The following ETFA variants were observed in gnomAD, a reference collection of about 807,000 sequenced individuals.
ETFA encodes the protein electron transfer flavoprotein subunit alpha, also known as electron transfer flavoprotein subunit alpha, mitochondrial.
A neutral mutation model predicts 46.2 loss-of-function variants in ETFA; 22 were observed. That is an observed-to-expected ratio of 0.48 (90% CI 0.34 to 0.68). The LOEUF (loss-of-function observed/expected upper bound fraction) is 0.68, where lower values mean the gene tolerates loss of function less well. Ranked by LOEUF, ETFA falls within the 30% of genes least tolerant of loss-of-function variation. The pLI, the probability that ETFA is intolerant of heterozygous loss-of-function variation, is 0.01. For synonymous variants in ETFA, 131 were observed against 139.9 expected (o/e 0.94, Z 0.45); for missense variants, 345 against 401.1 (o/e 0.86, Z 1.19).
chr15:76,272,130 A>G (rs1407301576), intron 9 of ETFA, among the ~76,000 whole-genome samples: 1 of 151,448 alleles, frequency 6.6e-6, no homozygotes, highest in Non-Finnish European at 1.5e-5. Context: ...ACTCCCTGCC[A>G]CTCTGCTCTT....
At chr15:76,282,989 C>T (rs956953204) in intron 8 of ETFA, among the ~76,000 whole-genome samples, 2 of 151,966 alleles carry the variant, frequency 1.3e-5, no homozygotes, top group Non-Finnish European at 2.9e-5. Flanking sequence ...AACATCACTC[C>T]CTTCTCATCA....
At chr15:76,235,452 A>T (rs1418248243) in intron 9 of ETFA, among the ~76,000 whole-genome samples, 2 of 152,240 alleles carry the variant, frequency 1.3e-5, no homozygotes, top group Non-Finnish European at 2.9e-5. Context: ...TATAATTTGT[A>T]CAAAAGAGTT....
At chr15:76,219,062 AAAG>A (rs1385445235) in intron 11 of ETFA, among the ~76,000 whole-genome samples, 1 of 152,222 alleles carries the variant, frequency 6.6e-6, no homozygotes, top group African/African-American at 2.4e-5. Context: ...ACATCAAACT[AAAG>A]AAGAAAAGGA....
intron 1 of ETFA, among the ~76,000 whole-genome samples, chr15:76,304,839 G>C (rs1209325840): frequency 6.6e-6 from 1 of 151,914 alleles, no homozygotes; most frequent in Admixed American, 6.6e-5. Context: ...GGTCAGGAGA[G>C]CGAGACCATC....
chr15:76,301,598 T>C (rs980117984), intron 1 of ETFA, among the ~76,000 whole-genome samples: 2 of 152,140 alleles, frequency 1.3e-5, no homozygotes, highest in African/African-American at 2.4e-5. Flanking sequence ...TAGTCCCAGC[T>C]ACTCAGGAGG....
At chr15:76,263,654 A>G (rs2039441786) in intron 9 of ETFA, among the ~76,000 whole-genome samples, 1 of 152,154 alleles carries the variant, frequency 6.6e-6, no homozygotes, top group Admixed American at 6.5e-5. Flanking sequence ...ACGGGAAGAG[A>G]TTTTAAAAAG....
intron 9 of ETFA, among the ~76,000 whole-genome samples, chr15:76,235,125 A>G (rs2039110568): frequency 6.6e-6 from 1 of 152,172 alleles, no homozygotes; most frequent in Admixed American, 6.5e-5. Flanking sequence ...CTGCTCATCC[A>G]AAACACTGGA....
At chr15:76,260,907 C>T in intron 9 of ETFA, 3 of 1,611,830 alleles carry the variant, frequency 1.9e-6, no homozygotes, top group South Asian at 1.1e-5. Flanking sequence ...TTCCCAGCCT[C>T]CTGGGGCCTG....
chr15:76,266,519 G>A (rs2039472022), intron 9 of ETFA, among the ~76,000 whole-genome samples: 1 of 152,212 alleles, frequency 6.6e-6, no homozygotes, highest in Non-Finnish European at 1.5e-5. Context: ...AAATGCGGCA[G>A]GGTTAATTAT....
At chr15:76,249,435 A>ATCTTT (rs35513183) in intron 9 of ETFA, among the ~76,000 whole-genome samples, 3 of 74,802 alleles carry the variant, frequency 4.0e-5, no homozygotes, top group Admixed American at 1.5e-4. Context: ...GTCCATGGTA[A>ATCTTT]TTTTTTTTTT....
At position 76,287,891 on chromosome 15, in the gene ETFA, T is replaced by G; in HGVS notation, c.406A>C (p.Ile136Leu). 2 of 1,614,088 alleles carry G rather than the reference T, an allele frequency of 1.2e-6. No homozygotes were observed. The highest frequency in any genetic ancestry group is 1.7e-6 in the Non-Finnish European group (2 of 1,179,950). The change falls in exon 5 of 12, where the codon ATT (isoleucine) becomes CTT (leucine). Residue 136 changes from isoleucine to leucine, a missense_variant. Coordinates refer to ENST00000557943, the MANE Select transcript of ETFA (RefSeq NM_000126.4). ...AATGTGTCAGGTGACTTGATTGCAATGATGTCAGAAATCGGGGCAACCTCA... is the reference window on the plus strand; with the variant it reads ...AATGTGTCAGGTGACTTGATTGCAAGGATGTCAGAAATCGGGGCAACCTCA... ...KLEVAPISDI[I>L]AIKSPDTFVR...
chr15:76,272,067 TA>T (rs1243210417), intron 9 of ETFA, among the ~76,000 whole-genome samples: 2 of 152,092 alleles, frequency 1.3e-5, no homozygotes, highest in Non-Finnish European at 2.9e-5. Flanking sequence ...TAATATTGAA[TA>T]ATGCTGATGG....
At chr15:76,280,431 T>C (rs1179260862) in intron 8 of ETFA, among the ~76,000 whole-genome samples, 1 of 152,082 alleles carries the variant, frequency 6.6e-6, no homozygotes, top group African/African-American at 2.4e-5. Flanking sequence ...CAAATATATA[T>C]CTCAAAACTG....
At chr15:76,274,202 C>G (rs961153407) in intron 9 of ETFA, 2 of 560,784 alleles carry the variant, frequency 3.6e-6, no homozygotes, top group Admixed American at 3.0e-5. Flanking sequence ...CTTTAAAATA[C>G]TTGAATAATA....
chr15:76,233,340 T>C (rs1000917642), intron 9 of ETFA, among the ~76,000 whole-genome samples: 2 of 144,690 alleles, frequency 1.4e-5, no homozygotes, highest in Admixed American at 1.4e-4. Context: ...TTTTTTTTTT[T>C]TTTTTTTGAG....
rs141170950 is a variant in ETFA, at chr15:76,248,995, G to A, written c.817-17597C>T. 5.0e-3 allele frequency among the ~76,000 whole-genome samples: 761 copies of A among 152,124 alleles called. 10 individuals carry two copies. The highest frequency in any genetic ancestry group is 0.017 in the African/African-American group (724 of 41,496). On this transcript the variant is annotated intron_variant, in intron 9 of 11. Transcript: ENST00000557943. ...GAAAAAAACCATAAATGGATATTCC[G>A]CATATGTAAAGATATCTCACTAGTA... is the stretch of plus-strand genomic sequence containing the variant.
At chr15:76,278,285 GCAGA>G (rs2039616122) in intron 8 of ETFA, among the ~76,000 whole-genome samples, 1 of 152,076 alleles carries the variant, frequency 6.6e-6, no homozygotes, top group Non-Finnish European at 1.5e-5. Flanking sequence ...CCTCTTTCCA[GCAGA>G]CATTCACCTC....
intron 8 of ETFA, among the ~76,000 whole-genome samples, chr15:76,281,572 C>T (rs985544529): frequency 2.6e-5 from 4 of 151,660 alleles, no homozygotes; most frequent in Non-Finnish European, 4.4e-5. Flanking sequence ...ACTATAGGCA[C>T]GTATCACTGC....
intron 8 of ETFA, 100 bp downstream of exon 8, chr15:76,283,657 T>C (rs2039676774): frequency 1.1e-6 from 1 of 878,488 alleles, no homozygotes; most frequent in African/African-American, 1.7e-5. Context: ...AAAAGTAAAA[T>C]AATTTGTAGG....
Sources: gnomAD v4.1 joint callset for allele counts (sites outside exome capture counted in the v4.1 genomes callset) on GRCh38, gnomAD v4.1.1 for gene constraint, MANE v1.5 for transcripts, NCBI Gene and HGNC (gene_info 2026-07-23, HGNC 2026-07-21) for gene names.